SHANK2: variants seen among roughly 807,000 people sequenced by gnomAD.
The protein encoded by SHANK2 is SH3 and multiple ankyrin repeat domains 2.
SHANK2 carries 43 observed loss-of-function variants against 133.7 expected under a neutral mutation model. That is an observed-to-expected ratio of 0.32 (90% CI 0.25 to 0.41). The LOEUF (loss-of-function observed/expected upper bound fraction) is 0.41, where lower values mean the gene tolerates loss of function less well. Ranked by LOEUF, SHANK2 falls within the 10% of genes least tolerant of loss-of-function variation. The probability of loss-of-function intolerance (pLI) is 1.00; values close to 1 mark genes in which losing one functional copy is unlikely to be tolerated. For synonymous variants in SHANK2, 1,017 were observed against 952.8 expected (o/e 1.07, Z -1.24); for missense variants, 1,994 against 2,235.8 (o/e 0.89, Z 2.18).
At chr11:70,574,660 G>A (rs2060092669) in intron 17 of SHANK2, among the ~76,000 whole-genome samples, 1 of 123,144 alleles carries the variant, frequency 8.1e-6, no homozygotes, top group Non-Finnish European at 1.8e-5. Context: ...CCACGGAGCA[G>A]GAAGAGAAGG....
intron 15 of SHANK2, among the ~76,000 whole-genome samples, chr11:70,671,296 G>A (rs1944801153): frequency 1.3e-5 from 2 of 152,056 alleles, no homozygotes; most frequent in Non-Finnish European, 2.9e-5. Flanking sequence ...AATGCTAGGA[G>A]GGAGAATGCC....
Position 70,479,341 on chromosome 11 carries a change from CAA to C in SHANK2, c.4980-5904_4980-5903del, listed in dbSNP as rs1555150894. On this transcript the variant is annotated intron_variant, in intron 25 of 25. Coordinates refer to ENST00000601538, the MANE Select transcript of SHANK2 (RefSeq NM_012309.5). This position sits in a 1 kb window ranked among gnomAD's most constrained non-coding sequence, Gnocchi z 4.4. The stretch of plus-strand genomic sequence containing the variant: ...TAACAACCCAAAGTTATTTGAAAAT[CAA>C]GAGGCTGTCAGGATAATACTGCAGA... Among the ~76,000 whole-genome samples the C allele has an allele frequency of 6.6e-6, 1 of 152,198 alleles. No homozygotes were observed. Among genetic ancestry groups the C allele is most frequent in the Non-Finnish European group, 1.5e-5 (1 of 68,036 alleles).
intron 14 of SHANK2, among the ~76,000 whole-genome samples, chr11:70,787,092 T>A (rs1947675023): frequency 7.2e-6 from 1 of 138,340 alleles, no homozygotes; most frequent in African/African-American, 2.8e-5. Context: ...ACCACCAGCA[T>A]CACCACCATC....
At chr11:70,622,174 G>A (rs1348225665) in intron 17 of SHANK2, among the ~76,000 whole-genome samples, 1 of 152,126 alleles carries the variant, frequency 6.6e-6, no homozygotes, top group Non-Finnish European at 1.5e-5. Flanking sequence ...TCCAAACCCA[G>A]CAGGATGTCC....
At chr11:70,757,401 C>T (rs1946897882) in intron 14 of SHANK2, among the ~76,000 whole-genome samples, 1 of 152,224 alleles carries the variant, frequency 6.6e-6, no homozygotes, top group South Asian at 2.1e-4. Flanking sequence ...GGGCTGGCCC[C>T]TAGCTGGCAT....
At chr11:70,847,278 GA>G (rs1346567581) in intron 11 of SHANK2, among the ~76,000 whole-genome samples, 4 of 152,182 alleles carry the variant, frequency 2.6e-5, no homozygotes, top group Non-Finnish European at 5.9e-5. Flanking sequence ...CTCTGTACTT[GA>G]TGAGGTCCAC....
At chr11:70,620,369 G>A (rs1314615658) in intron 17 of SHANK2, among the ~76,000 whole-genome samples, 1 of 152,210 alleles carries the variant, frequency 6.6e-6, no homozygotes, top group Non-Finnish European at 1.5e-5. Flanking sequence ...AACCTCCTGA[G>A]TTGGGAGAAA....
intron 21 of SHANK2, among the ~76,000 whole-genome samples, chr11:70,497,744 C>A (rs530088357): frequency 6.6e-5 from 10 of 152,234 alleles, no homozygotes; most frequent in Non-Finnish European, 1.5e-4. Flanking sequence ...TGCTCTGCAT[C>A]CTCAGCAAAT....
intron 2 of SHANK2, among the ~76,000 whole-genome samples, chr11:71,153,807 T>C (rs1441225068): frequency 1.3e-5 from 2 of 152,072 alleles, no homozygotes; most frequent in Non-Finnish European, 2.9e-5. Context: ...CCATCTCTAC[T>C]AAAAATACAA....
At position 71,147,262 on chromosome 11, in the gene SHANK2, C is replaced by T. The variant is rs1214032004; in HGVS notation, c.65G>A (p.Gly22Glu). The T allele has an allele frequency of 3.2e-6, 5 of 1,550,892 alleles. No individual in the cohort carries two copies. The African/African-American group carries it at 5.5e-5, about 17-fold the overall frequency. The change falls in exon 3 of 26, where the codon GGG becomes GAG. Residue 22 changes from glycine to glutamate, a missense_variant. Gly to Glu is a moderately conservative substitution (Grantham distance 98, BLOSUM62 -2). Around this residue, in one of 5 missense-constraint regions of SHANK2, gnomAD observed 653 missense variants for 563.4 expected, o/e 1.16. Transcript: ENST00000601538. Reference protein sequence around the residue: ...MAQSFSDYSVGSESDSSKEET... With the variant: ...MAQSFSDYSVESESDSSKEET... ...TTCTTTGGAGCTGTCTGACTCCGACCCCACGGAGTAGTCGGAGAAGCTCTG... is the reference window on the plus strand; with the variant it reads ...TTCTTTGGAGCTGTCTGACTCCGACTCCACGGAGTAGTCGGAGAAGCTCTG...
intron 2 of SHANK2, among the ~76,000 whole-genome samples, chr11:71,214,748 G>C (rs1222452381): frequency 6.6e-6 from 1 of 152,154 alleles, no homozygotes; most frequent in African/African-American, 2.4e-5. Context: ...CTCTGGGGTG[G>C]GGTATCGCGC....
rs186971655 is a variant in SHANK2 at position 70,485,021 on chromosome 11, G to A, written c.4979+293C>T. 6.2e-4 allele frequency among the ~76,000 whole-genome samples: 94 copies of A among 152,290 alleles called. 1 individual carries two copies. The East Asian group carries it at 0.017, about 28-fold the overall frequency. On this transcript the variant is annotated intron_variant, in intron 25 of 25. Transcript: ENST00000601538. This position sits in a 1 kb window ranked among gnomAD's most constrained non-coding sequence, Gnocchi z 5.8. ...AGATCTGGAGGGCACAGAAGAGAGAGTAGAGCTTCTCTTTGGAAGCCAAGG... is the reference window on the plus strand; with the variant it reads ...AGATCTGGAGGGCACAGAAGAGAGAATAGAGCTTCTCTTTGGAAGCCAAGG...
chr11:70,619,898 C>A (rs1040216832), intron 17 of SHANK2, among the ~76,000 whole-genome samples: 1 of 152,140 alleles, frequency 6.6e-6, no homozygotes, highest in African/African-American at 2.4e-5. Flanking sequence ...TGGAGGAGCA[C>A]GTTTGGGGCT....
chr11:70,756,905 G>A (rs1008357051), intron 14 of SHANK2, among the ~76,000 whole-genome samples: 3 of 144,386 alleles, frequency 2.1e-5, no homozygotes, highest in Non-Finnish European at 1.5e-5. Flanking sequence ...ACATAGAGCA[G>A]ACCCTGGGCT....
chr11:70,718,207 C>T (rs539557690), intron 14 of SHANK2, among the ~76,000 whole-genome samples: 9 of 152,300 alleles, frequency 5.9e-5, no homozygotes, highest in African/African-American at 1.9e-4. Context: ...CACTTAGAGG[C>T]GGCAGCTGTC....
At chr11:70,866,254 C>A (rs1949357256) in intron 11 of SHANK2, among the ~76,000 whole-genome samples, 1 of 152,078 alleles carries the variant, frequency 6.6e-6, no homozygotes, top group Non-Finnish European at 1.5e-5. Flanking sequence ...AAGGCAGGGG[C>A]AGAGAGTGCA....
At chr11:70,800,534 A>G (rs781860830) in intron 13 of SHANK2, among the ~76,000 whole-genome samples, 5 of 152,214 alleles carry the variant, frequency 3.3e-5, no homozygotes, top group Non-Finnish European at 7.3e-5. Flanking sequence ...TGAATCTCAA[A>G]GGCCAGACAG....
intron 19 of SHANK2, 98 bp downstream of exon 19, chr11:70,502,108 G>A (rs1159556689): frequency 8.6e-6 from 12 of 1,389,788 alleles, no homozygotes; most frequent in Middle Eastern, 2.0e-4. Context: ...GGGGGGTAGC[G>A]AGCAAGCGTG....
At chr11:70,613,763 G>GTTTTTTTTTTTTTTT (rs57180024) in intron 17 of SHANK2, among the ~76,000 whole-genome samples, 1 of 123,776 alleles carries the variant, frequency 8.1e-6, no homozygotes, top group Non-Finnish European at 1.6e-5. Flanking sequence ...AGGGGAACTT[G>GTTTTTTTTTTTTTTT]TTTTTTTTTT....
Sources: allele counts gnomAD v4.1 joint callset (sites outside exome capture counted in the v4.1 genomes callset), GRCh38; gene constraint gnomAD v4.1.1; regional missense constraint gnomAD v4.1.1; non-coding constraint Gnocchi (gnomAD v3.1); transcripts MANE v1.5; gene names NCBI Gene and HGNC (gene_info 2026-07-23, HGNC 2026-07-21).